The following HTT variants were observed in gnomAD, a reference collection of about 807,000 sequenced individuals.
HTT encodes the protein huntington disease protein.
In HTT, 104 loss-of-function variants were observed where a neutral mutation model predicts 362.3. The ratio of observed to expected loss-of-function variants is 0.29; its 90% confidence interval spans 0.24 to 0.34. The LOEUF (loss-of-function observed/expected upper bound fraction) is 0.34. Ranked by LOEUF, HTT falls within the 10% of genes least tolerant of loss-of-function variation. HTT has a pLI of 1.00. For missense variants in HTT, 3,301 were observed against 3,928.6 expected (o/e 0.84, Z 4.27); for synonymous variants, 1,577 against 1,548.7 (o/e 1.02, Z -0.43).
chr4:3,199,356 A>G (rs1719418083), intron 40 of HTT, among the ~76,000 whole-genome samples: 1 of 152,166 alleles, frequency 6.6e-6, no homozygotes, highest in African/African-American at 2.4e-5. Flanking sequence ...CCTGGCCAAC[A>G]TGGTGAAACC....
chr4:3,074,798 G>T lies in HTT; in HGVS notation c.-28G>T. 1 of 1,509,970 alleles carries T rather than the reference G, an allele frequency of 6.6e-7. No individual in the cohort carries two copies. The highest frequency in any genetic ancestry group is 8.8e-7 in the Non-Finnish European group (1 of 1,135,282). The allele number at this position is 1,509,970 out of a possible 1,614,324, so 93.5% of individuals were successfully genotyped here. On this transcript the variant is annotated 5_prime_UTR_variant, in exon 1 of 67. Coordinates refer to ENST00000355072, the MANE Select transcript of HTT (RefSeq NM_001388492.1). ...CCGCGAGTCGGCCCGAGGCCTCCGG[G>T]GACTGCCGTGCCGGGCGGGAGACCG...
chr4:3,169,005 T>G (rs1717842274), intron 29 of HTT, among the ~76,000 whole-genome samples: 1 of 149,558 alleles, frequency 6.7e-6, no homozygotes, highest in South Asian at 2.1e-4. Flanking sequence ...TTTAGGCCAT[T>G]CTTTCTTTCT....
In HTT at chr4:3,142,058, GAA is replaced by G. The variant is rs375985482; in HGVS notation, c.2946-705_2946-704del. On this transcript the variant is annotated intron_variant, in intron 22 of 66. Transcript: ENST00000355072. ...AAAATTGATTACTAACTACTACTTG[GAA>G]AAGTCTCCCAGTTCCAAACTTCAGC... Among the ~76,000 whole-genome samples, 133 of 152,284 alleles carry G rather than the reference GAA, an allele frequency of 8.7e-4. 2 individuals are homozygous for G. The highest frequency in any genetic ancestry group is 3.1e-3 in the African/African-American group (128 of 41,558).
In HTT at chr4:3,083,564, C is replaced by T. The variant is rs540965650; in HGVS notation, c.264-3375C>T. The stretch of plus-strand genomic sequence containing the variant: ...ACACACACACACACACACACACACA[C>T]ACACACACACACACACACACACATA... On this transcript the variant is annotated intron_variant, in intron 1 of 66. Coordinates refer to ENST00000355072, the MANE Select transcript of HTT (RefSeq NM_001388492.1). Among the ~76,000 whole-genome samples the T allele has an allele frequency of 3.0e-3, 391 of 128,380 alleles. 8 individuals carry two copies. Among genetic ancestry groups the T allele is most frequent in the African/African-American group, 0.011 (305 of 28,618 alleles). 84.2% of individuals were successfully genotyped at this position (128,380 alleles called of 152,430 possible).
At chr4:3,108,909 A>G (rs1034637098) in intron 6 of HTT, among the ~76,000 whole-genome samples, 1 of 152,064 alleles carries the variant, frequency 6.6e-6, no homozygotes, top group East Asian at 1.9e-4. Context: ...TTAGCTGGAC[A>G]TGATGGCATG....
chr4:3,122,611 A>G (rs1715345687), intron 9 of HTT, among the ~76,000 whole-genome samples: 1 of 152,244 alleles, frequency 6.6e-6, no homozygotes, highest in Non-Finnish European at 1.5e-5. Flanking sequence ...TCAGCTAAAT[A>G]ATCTGAGATT....
At chr4:3,224,628 G>A (rs755858683) in intron 56 of HTT, among the ~76,000 whole-genome samples, 8 of 152,182 alleles carry the variant, frequency 5.3e-5, no homozygotes, top group Non-Finnish European at 1.2e-4. Flanking sequence ...CACAGGCATC[G>A]GAGCTTGTCA....
Position 3,115,453 on chromosome 4 carries a change from G to GGAGGCATATGAGTGGAA in HTT, c.889+12_889+28dup, listed in dbSNP as rs1560553790. The stretch of plus-strand genomic sequence containing the variant: ...TACTAAATGTGCTCTTAGGTAAGGT[G>GGAGGCATATGAGTGGAA]GAGGCATATGAGTGGAAGAGTCTCC... On this transcript the variant is annotated intron_variant, in intron 7 of 66. Coordinates refer to ENST00000355072, the MANE Select transcript of HTT (RefSeq NM_001388492.1). 1.1e-5 allele frequency: 18 copies of GGAGGCATATGAGTGGAA among 1,607,132 alleles called. No homozygotes were observed. The highest frequency in any genetic ancestry group is 1.4e-5 in the Non-Finnish European group (17 of 1,173,968).
chr4:3,215,274 A>G (rs1055172467), intron 51 of HTT, 63 bp downstream of exon 51: 201 of 1,255,270 alleles, frequency 1.6e-4, no homozygotes, highest in Non-Finnish European at 2.5e-5. Context: ...AATCATTCAC[A>G]GAGACGTGCA....
intron 1 of HTT, among the ~76,000 whole-genome samples, chr4:3,076,593 A>T (rs369571925): frequency 6.6e-6 from 1 of 152,180 alleles, no homozygotes; most frequent in Non-Finnish European, 1.5e-5. Flanking sequence ...CTCATCCAGA[A>T]ATTTACTGTA....
chr4:3,117,615 T>C (rs1416890724), intron 8 of HTT, among the ~76,000 whole-genome samples: 1 of 152,108 alleles, frequency 6.6e-6, no homozygotes, highest in Non-Finnish European at 1.5e-5. Flanking sequence ...GCTGGGCGGA[T>C]CACTTGAACC....
chr4:3,153,464 G>A (rs1716998188), intron 26 of HTT, among the ~76,000 whole-genome samples: 1 of 152,192 alleles, frequency 6.6e-6, no homozygotes, highest in Non-Finnish European at 1.5e-5. Context: ...AGCATTGGGA[G>A]TCTCGATGTT....
intron 50 of HTT, among the ~76,000 whole-genome samples, chr4:3,214,831 A>T (rs1159178077): frequency 2.0e-5 from 3 of 152,242 alleles, no homozygotes; most frequent in African/African-American, 7.2e-5. Context: ...GAGCCGTCTC[A>T]TAATAACCTC....
At chr4:3,136,998 C>T (rs1716102829) in intron 21 of HTT, among the ~76,000 whole-genome samples, 1 of 151,550 alleles carries the variant, frequency 6.6e-6, no homozygotes, top group African/African-American at 2.4e-5. Flanking sequence ...ACCTCTGTCT[C>T]CCTGGTTCAA....
At chr4:3,230,720 C>A (rs1357309074) in intron 60 of HTT, among the ~76,000 whole-genome samples, 2 of 152,152 alleles carry the variant, frequency 1.3e-5, no homozygotes, top group Non-Finnish European at 2.9e-5. Context: ...TAGATGGCAT[C>A]TTCTGGCTGG....
rs1715750997 is a variant in HTT, at chr4:3,130,403, C to A, written c.1966C>A (p.Pro656Thr). The A allele has an allele frequency of 6.3e-7, 1 of 1,597,988 alleles. No homozygotes were observed. The highest frequency in any genetic ancestry group is 8.6e-7 in the Non-Finnish European group (1 of 1,168,968). Residue 656 changes from proline to threonine, a missense_variant, in exon 14 of 67, where the codon CCG (proline) becomes ACG (threonine). Pro to Thr is a conservative substitution (Grantham distance 38). This residue lies in a region of HTT where 2,316 missense variants were observed against 2,658.5 expected (regional missense o/e 0.87). Coordinates refer to ENST00000355072, the MANE Select transcript of HTT (RefSeq NM_001388492.1). The stretch of plus-strand genomic sequence containing the variant: ...TGTGTTGAGAGATGAAGCTACTGAA[C>A]CGGGTGATCAAGAAAACAAGGTGAG... ...KFVLRDEATEPGDQENKPCRI... is the reference protein window; with the variant it reads ...KFVLRDEATETGDQENKPCRI...
chr4:3,079,228 A>G (rs1338792840), intron 1 of HTT, among the ~76,000 whole-genome samples: 1 of 149,358 alleles, frequency 6.7e-6, no homozygotes, highest in East Asian at 2.0e-4. Flanking sequence ...TGTTCAGGGA[A>G]GGTCCACTGA....
At chr4:3,078,551 A>G (rs1712687935) in intron 1 of HTT, among the ~76,000 whole-genome samples, 2 of 152,104 alleles carry the variant, frequency 1.3e-5, no homozygotes, top group South Asian at 4.1e-4. Flanking sequence ...CTAAGTGTTG[A>G]CATTTTTATT....
intron 54 of HTT, 151 bp downstream of exon 54, chr4:3,222,638 T>C (rs1294144954): frequency 6.4e-6 from 4 of 629,164 alleles, no homozygotes; most frequent in Non-Finnish European, 1.1e-5. Flanking sequence ...TGACTGATAT[T>C]CCAGAGCAGG....
Sources: gnomAD v4.1 joint callset for allele counts (sites outside exome capture counted in the v4.1 genomes callset) on GRCh38, gnomAD v4.1.1 for gene constraint, gnomAD v4.1.1 regional missense constraint, MANE v1.5 for transcripts, NCBI Gene and HGNC (gene_info 2026-07-23, HGNC 2026-07-21) for gene names.